Variants in DHRS11 observed in about 807,000 individuals in gnomAD.
DHRS11 encodes the protein dehydrogenase/reductase 11, also known as dehydrogenase/reductase SDR family member 11.
In DHRS11, 18 loss-of-function variants were observed where a neutral mutation model predicts 30.7. The observed-to-expected ratio is 0.59, with a 90% CI of 0.41 to 0.87. The LOEUF (loss-of-function observed/expected upper bound fraction) is 0.87. DHRS11 is among the 40% of genes least tolerant of loss of function. The pLI, the probability that DHRS11 is intolerant of heterozygous loss-of-function variation, is 0.00. For missense variants in DHRS11, 300 were observed against 349.0 expected (o/e 0.86, Z 1.12); for synonymous variants, 123 against 139.6 (o/e 0.88, Z 0.84).
At chr17:36,596,971 AT>A in intron 2 of DHRS11, 1 of 446,610 alleles carries the variant, frequency 2.2e-6, no homozygotes, top group South Asian at 1.6e-5. Flanking sequence ...CATCTGTAAA[AT>A]GAGGGACTTA....
intron 3 of DHRS11, chr17:36,598,519 G>A: frequency 1.8e-6 from 1 of 557,488 alleles, no homozygotes; most frequent in South Asian, 2.2e-5. Context: ...TCAGGCCTGG[G>A]GATGAACCCC....
intron 1 of DHRS11, among the ~76,000 whole-genome samples, chr17:36,593,180 G>A (rs1160338374): frequency 6.6e-6 from 1 of 152,174 alleles, no homozygotes; most frequent in Non-Finnish European, 1.5e-5. Context: ...TAATTCTGAA[G>A]CCACTCTTGC....
chr17:36,598,315 G>C (rs1482652161), intron 3 of DHRS11, 58 bp downstream of exon 3: 1 of 1,534,780 alleles, frequency 6.5e-7, no homozygotes, highest in Non-Finnish European at 9.0e-7. Context: ...ATGTGCTGCA[G>C]CTCACCTGAC....
In DHRS11 at chr17:36,591,886, T is replaced by G. The variant is rs1468030606; in HGVS notation, c.-124T>G. Reference sequence around the variant, plus strand: ...CCCGGCCGGAGGCAGGCCGGGACTCTGGTGGGTCTAGGCGCGGATCGGACC... The same window carrying G: ...CCCGGCCGGAGGCAGGCCGGGACTCGGGTGGGTCTAGGCGCGGATCGGACC... On this transcript the variant is annotated 5_prime_UTR_variant, in exon 1 of 7. Coordinates refer to ENST00000618403, the MANE Select transcript of DHRS11 (RefSeq NM_024308.4). 39 of 1,040,836 alleles carry G rather than the reference T, an allele frequency of 3.7e-5. No individual in the cohort carries two copies. Among genetic ancestry groups the G allele is most frequent in the Non-Finnish European group, 4.6e-5 (38 of 820,892 alleles). 64.5% of individuals were successfully genotyped at this position (1,040,836 alleles called of 1,614,324 possible). A position where few individuals can be genotyped will look rare whatever the true frequency, so the allele number is the denominator to read the frequency against.
Position 36,599,716 on chromosome 17 carries a change from C to A in DHRS11, c.628C>A (p.His210Asn). The A allele has an allele frequency of 6.2e-7, 1 of 1,614,170 alleles. No homozygotes were observed. Among genetic ancestry groups the A allele is most frequent in the Non-Finnish European group, 8.5e-7 (1 of 1,180,014 alleles). Residue 210 changes from histidine (H) to asparagine (N), a missense_variant, in exon 5 of 7, where the codon CAC becomes AAC. Physicochemically the swap from His to Asn is moderately conservative, Grantham distance 68. Transcript: ENST00000618403. Reference sequence around the variant, plus strand: ...GGAGACACAATTCGCCTTCAAACTCCACGACAAGGACCCTGAGAAGGCAGC... The same window carrying A: ...GGAGACACAATTCGCCTTCAAACTCAACGACAAGGACCCTGAGAAGGCAGC... ...VVETQFAFKLHDKDPEKAAAT... is the reference protein window; with the variant it reads ...VVETQFAFKLNDKDPEKAAAT...
At chr17:36,597,045 G>C (rs1252536026) in intron 2 of DHRS11, 1 of 346,328 alleles carries the variant, frequency 2.9e-6, no homozygotes. Context: ...ATCATCCTAT[G>C]AGGCATCTTC....
At position 36,595,010 on chromosome 17, in the gene DHRS11, A is replaced by T; in HGVS notation, c.187A>T (p.Thr63Ser). 6.2e-7 allele frequency: 1 copy of T among 1,614,166 alleles called. No homozygotes were observed. The highest frequency in any genetic ancestry group is 8.5e-7 in the Non-Finnish European group (1 of 1,180,024). ...ATGTAAGAGTGCAGGCTACCCCGGG[A>T]CTTTGATCCCCTACAGATGTGACCT... is the stretch of plus-strand genomic sequence containing the variant. ...AECKSAGYPG[T>S]LIPYRCDLSN... Residue 63 changes from threonine to serine, a missense_variant, in exon 2 of 7, where the codon ACT becomes TCT. By Grantham distance (58) the Thr-to-Ser change is moderately conservative. Coordinates refer to ENST00000618403, the MANE Select transcript of DHRS11 (RefSeq NM_024308.4).
chr17:36,600,303 G>T lies in DHRS11; in HGVS notation c.*100G>T. The T allele has an allele frequency of 7.1e-7, 1 of 1,403,446 alleles. No homozygotes were observed. Among genetic ancestry groups the T allele is most frequent in the Non-Finnish European group, 9.9e-7 (1 of 1,006,402 alleles). The allele number at this position is 1,403,446 out of a possible 1,614,324, so 86.9% of individuals were successfully genotyped here. A position where few individuals can be genotyped will look rare whatever the true frequency, so the allele number is the denominator to read the frequency against. ...TCTGGATCACGGGATACCACTTCCT[G>T]TCCACACCCCGACCAGGGGCTAGAA... On this transcript the variant is annotated 3_prime_UTR_variant, in exon 7 of 7. Transcript: ENST00000618403.
rs2074780188 is a variant in DHRS11, at chr17:36,592,932, A to G, written c.147+776A>G. 6.6e-6 allele frequency among the ~76,000 whole-genome samples: 1 copy of G among 152,116 alleles called. No individual in the cohort carries two copies. The highest frequency in any genetic ancestry group is 2.1e-4 in the South Asian group (1 of 4,822). ...TCCACCGTGCTCAAAGTCCTCAGGCAGGGAAAGGGTAAGGAGGCCTTGGGT... is the reference window on the plus strand; with the variant it reads ...TCCACCGTGCTCAAAGTCCTCAGGCGGGGAAAGGGTAAGGAGGCCTTGGGT... On this transcript the variant is annotated intron_variant, in intron 1 of 6. Coordinates refer to ENST00000618403, the MANE Select transcript of DHRS11 (RefSeq NM_024308.4). This position sits in a 1 kb window ranked among gnomAD's most constrained non-coding sequence, Gnocchi z 4.4.
Position 36,600,431 on chromosome 17 carries a change from T to A in DHRS11, c.*228T>A. ...TGGTGTCCCTAATTGTTTTACTTGT[T>A]AACTTGTTCTTGTGCCCCTGGGCAC... is the stretch of plus-strand genomic sequence containing the variant. On this transcript the variant is annotated 3_prime_UTR_variant, in exon 7 of 7. Transcript: ENST00000618403. 1 of 614,050 alleles carries A rather than the reference T, an allele frequency of 1.6e-6. No homozygotes were observed. Among genetic ancestry groups the A allele is most frequent in the Non-Finnish European group, 2.9e-6 (1 of 349,574 alleles). The allele number at this position is 614,050 out of a possible 1,614,324, so 38.0% of individuals were successfully genotyped here. A position where few individuals can be genotyped will look rare whatever the true frequency, so the allele number is the denominator to read the frequency against.
Position 36,592,715 on chromosome 17 carries a change from A to G in DHRS11, c.147+559A>G, listed in dbSNP as rs1008109814. ...ACAGAGTGGGTGAAATCGGGCGGAA[A>G]CCTTGAGAGGATAAAGCAACCTGGA... On this transcript the variant is annotated intron_variant, in intron 1 of 6. Coordinates refer to ENST00000618403, the MANE Select transcript of DHRS11 (RefSeq NM_024308.4). The surrounding 1 kb of genome is among the most constrained non-coding windows in gnomAD (Gnocchi z 4.4). Among the ~76,000 whole-genome samples the G allele has an allele frequency of 4.6e-5, 7 of 152,136 alleles. No individual in the cohort carries two copies. Among genetic ancestry groups the G allele is most frequent in the Non-Finnish European group, 7.3e-5 (5 of 68,030 alleles).
intron 3 of DHRS11, 114 bp downstream of exon 3, chr17:36,598,371 C>A: frequency 1.1e-6 from 1 of 934,580 alleles, no homozygotes; most frequent in Non-Finnish European, 1.7e-6. Context: ...AGATTTAATA[C>A]CTGAATGGCA....
chr17:36,596,032 A>G (rs2074808016), intron 2 of DHRS11, among the ~76,000 whole-genome samples: 1 of 152,154 alleles, frequency 6.6e-6, no homozygotes, highest in Non-Finnish European at 1.5e-5. Flanking sequence ...CCCTGGGGCC[A>G]GGTAGGTACA....
rs771073383 is a variant in DHRS11 at position 36,599,719 on chromosome 17, G to A, written c.631G>A (p.Asp211Asn). 42 of 1,614,020 alleles carry A rather than the reference G, an allele frequency of 2.6e-5. No homozygotes were observed. In the East Asian group the frequency reaches 2.7e-4, roughly 10 times the overall value. The change falls in exon 5 of 7, where the codon GAC becomes AAC. Residue 211 changes from aspartate (D) to asparagine (N), a missense_variant. By Grantham distance (23) the Asp-to-Asn change is conservative (BLOSUM62 1). Transcript: ENST00000618403. ...VETQFAFKLH[D>N]KDPEKAAATY... ...GACACAATTCGCCTTCAAACTCCACGACAAGGACCCTGAGAAGGCAGCTGC... is the reference window on the plus strand; with the variant it reads ...GACACAATTCGCCTTCAAACTCCACAACAAGGACCCTGAGAAGGCAGCTGC...
Position 36,592,181 on chromosome 17 carries a change from C to T in DHRS11, c.147+25C>T. 4 of 1,261,862 alleles carry T rather than the reference C, an allele frequency of 3.2e-6. No individual in the cohort carries two copies. The highest frequency in any genetic ancestry group is 4.0e-6 in the Non-Finnish European group (4 of 1,003,976). 78.2% of individuals were successfully genotyped at this position (1,261,862 alleles called of 1,614,324 possible). Reference sequence around the variant, plus strand: ...GGTGAGGCCGGGCCGAGGGCGGGGACGTCGCGGGCGGGTCGTTTCCCCGGA... The same window carrying T: ...GGTGAGGCCGGGCCGAGGGCGGGGATGTCGCGGGCGGGTCGTTTCCCCGGA... On this transcript the variant is annotated intron_variant, in intron 1 of 6. Coordinates refer to ENST00000618403, the MANE Select transcript of DHRS11 (RefSeq NM_024308.4). This position sits in a 1 kb window ranked among gnomAD's most constrained non-coding sequence, Gnocchi z 4.4.
chr17:36,594,201 G>C (rs991385213), intron 1 of DHRS11, among the ~76,000 whole-genome samples: 1 of 152,128 alleles, frequency 6.6e-6, no homozygotes, highest in Non-Finnish European at 1.5e-5. Flanking sequence ...GCTGCAGTTT[G>C]CGAGGGGAGG....
At position 36,597,991 on chromosome 17, in the gene DHRS11, G is replaced by A; in HGVS notation, c.358-172G>A. 14 of 669,756 alleles carry A rather than the reference G, an allele frequency of 2.1e-5. 1 individual carries two copies. In the South Asian group the frequency reaches 2.3e-4, roughly 11 times the overall value. 41.5% of individuals were successfully genotyped at this position (669,756 alleles called of 1,614,324 possible). A position where few individuals can be genotyped will look rare whatever the true frequency, so the allele number is the denominator to read the frequency against. On this transcript the variant is annotated intron_variant, in intron 2 of 6. Transcript: ENST00000618403. Reference sequence around the variant, plus strand: ...CTGGGGGTTGCGGCTTTAGGGAGAGGGGCATCTCGTGTAGAAGACAAGATG... The same window carrying A: ...CTGGGGGTTGCGGCTTTAGGGAGAGAGGCATCTCGTGTAGAAGACAAGATG...
Position 36,592,371 on chromosome 17 carries a change from C to A in DHRS11, c.147+215C>A, listed in dbSNP as rs2074774745. 6.6e-6 allele frequency among the ~76,000 whole-genome samples: 1 copy of A among 152,226 alleles called. No individual in the cohort carries two copies. ...TACCGAATCTCCGACCCCGGCATCT[C>A]CCCACCCGCCCCTCGGGTCTCCCCA... On this transcript the variant is annotated intron_variant, in intron 1 of 6. Coordinates refer to ENST00000618403, the MANE Select transcript of DHRS11 (RefSeq NM_024308.4). The surrounding 1 kb of genome is among the most constrained non-coding windows in gnomAD (Gnocchi z 4.4).
At chr17:36,598,497 T>G in intron 3 of DHRS11, 2 of 571,946 alleles carry the variant, frequency 3.5e-6, no homozygotes, top group South Asian at 4.3e-5. Context: ...TGGGACTAAG[T>G]GCCTCGATTC....
Sources: gnomAD v4.1 joint callset for allele counts (sites outside exome capture counted in the v4.1 genomes callset) on GRCh38, gnomAD v4.1.1 for gene constraint, Gnocchi (gnomAD v3.1) non-coding constraint, MANE v1.5 for transcripts, NCBI Gene and HGNC (gene_info 2026-07-23, HGNC 2026-07-21) for gene names.